Variants in ITGA1 observed in about 807,000 individuals in gnomAD.
ITGA1 encodes the protein integrin subunit alpha 1.
ITGA1 carries 85 observed loss-of-function variants against 145.9 expected under a neutral mutation model. That is an observed-to-expected ratio of 0.58 (90% CI 0.49 to 0.70). The LOEUF (loss-of-function observed/expected upper bound fraction) is 0.70. ITGA1 is among the 30% of genes least tolerant of loss of function. ITGA1 has a pLI of 0.00. For synonymous variants in ITGA1, 520 were observed against 495.3 expected (o/e 1.05, Z -0.66); for missense variants, 1,351 against 1,418.7 (o/e 0.95, Z 0.77).
chr5:52,862,308 C>T (rs1017632261), intron 3 of ITGA1, among the ~76,000 whole-genome samples: 5 of 151,720 alleles, frequency 3.3e-5, no homozygotes, highest in African/African-American at 9.7e-5. Context: ...AATGGTCGAG[C>T]GGTCTAAGGC....
At chr5:52,900,325 A>G (rs886090325) in intron 11 of ITGA1, among the ~76,000 whole-genome samples, 48 of 152,232 alleles carry the variant, frequency 3.2e-4, no homozygotes, top group African/African-American at 1.2e-3. Flanking sequence ...TGACATATAA[A>G]TTAGTAAAAC....
intron 11 of ITGA1, 29 bp from the exon 12 acceptor site, chr5:52,905,734 T>G: frequency 6.2e-7 from 1 of 1,602,734 alleles, no homozygotes; most frequent in Non-Finnish European, 8.5e-7. Flanking sequence ...AGGGTCCAGG[T>G]GGTATACCTG....
At chr5:52,821,629 C>T (rs975815464) in intron 1 of ITGA1, among the ~76,000 whole-genome samples, 2 of 152,232 alleles carry the variant, frequency 1.3e-5, no homozygotes, top group Admixed American at 6.5e-5. Context: ...AAGGAATTCC[C>T]ATTCTCCTTG....
At chr5:52,911,008 G>T (rs62651790) in intron 14 of ITGA1, among the ~76,000 whole-genome samples, 4 of 16,496 alleles carry the variant, frequency 2.4e-4, no homozygotes, top group African/African-American at 1.8e-3. Flanking sequence ...TATGTATACT[G>T]TATATACTAT....
At chr5:52,869,472 T>C (rs1349947337) in intron 6 of ITGA1, among the ~76,000 whole-genome samples, 5 of 152,204 alleles carry the variant, frequency 3.3e-5, no homozygotes, top group African/African-American at 1.2e-4. Flanking sequence ...CATATGATTC[T>C]TAAACAGATT....
At position 52,812,998 on chromosome 5, in the gene ITGA1, G is replaced by A. The variant is rs141068826; in HGVS notation, c.61+24584G>A. On this transcript the variant is annotated intron_variant, in intron 1 of 28. Transcript: ENST00000282588. ...CCCTCAACATGAGACAGGCTACCCA[G>A]CTGGTTCTCTGTCTTTATAATATTT... 1.5e-3 allele frequency among the ~76,000 whole-genome samples: 231 copies of A among 152,070 alleles called. 1 individual carries two copies. Among genetic ancestry groups the A allele is most frequent in the African/African-American group, 5.4e-3 (225 of 41,486 alleles).
intron 22 of ITGA1, 108 bp from the exon 23 acceptor site, chr5:52,933,786 C>T: frequency 4.5e-6 from 2 of 442,112 alleles, no homozygotes; most frequent in Non-Finnish European, 8.2e-6. Context: ...ATTTGAAATC[C>T]CTACAAGTAT....
At chr5:52,881,266 C>G (rs996963309) in intron 6 of ITGA1, among the ~76,000 whole-genome samples, 1 of 152,192 alleles carries the variant, frequency 6.6e-6, no homozygotes, top group African/African-American at 2.4e-5. Context: ...ACAGCCCTGG[C>G]CATGGCTCAC....
chr5:52,904,402 C>T (rs1004989364), intron 11 of ITGA1: 1 of 151,846 alleles, frequency 6.6e-6, no homozygotes, highest in Non-Finnish European at 1.5e-5. Context: ...TTTTTCTAAG[C>T]CAGAGGAGGA....
intron 18 of ITGA1, 37 bp from the exon 19 acceptor site, chr5:52,925,241 C>T: frequency 6.5e-7 from 1 of 1,543,196 alleles, no homozygotes. Context: ...CAATGCGTAG[C>T]TAAATTTTGA....
rs1554048549 is a variant in ITGA1, at chr5:52,954,619, T to TTGCGTG, written c.*2170_*2171insCGTGTG. 2 of 150,260 alleles carry TTGCGTG rather than the reference T, an allele frequency of 1.3e-5. No individual in the cohort carries two copies. Among genetic ancestry groups the TTGCGTG allele is most frequent in the Non-Finnish European group, 3.0e-5 (2 of 67,380 alleles). 9.3% of individuals were successfully genotyped at this position (150,260 alleles called of 1,614,324 possible). On this transcript the variant is annotated 3_prime_UTR_variant, in exon 29 of 29. Coordinates refer to ENST00000282588, the MANE Select transcript of ITGA1 (RefSeq NM_181501.2). ...CTCTAATATTATAATTTGTTGAGGT[T>TTGCGTG]TGTGTGTGTGTGTGTGTGCATGTGC...
intron 2 of ITGA1, among the ~76,000 whole-genome samples, chr5:52,861,237 A>G (rs1749595353): frequency 6.6e-6 from 1 of 151,786 alleles, no homozygotes; most frequent in South Asian, 2.1e-4. Context: ...TTGTATATGT[A>G]TGTGTGTGTG....
At chr5:52,796,250 C>T (rs1260975848) in intron 1 of ITGA1, among the ~76,000 whole-genome samples, 1 of 151,834 alleles carries the variant, frequency 6.6e-6, no homozygotes, top group Admixed American at 6.6e-5. Flanking sequence ...GCCCAGTTCT[C>T]TTCTTGAGAC....
intron 3 of ITGA1, among the ~76,000 whole-genome samples, chr5:52,861,796 G>C (rs1749608726): frequency 6.6e-6 from 1 of 150,578 alleles, no homozygotes; most frequent in Non-Finnish European, 1.5e-5. Flanking sequence ...CTTGAGCTCA[G>C]GAGTTTGAGA....
chr5:52,909,121 C>CT, intron 13 of ITGA1, 80 bp downstream of exon 13: 1 of 1,432,796 alleles, frequency 7.0e-7, no homozygotes, highest in Non-Finnish European at 9.5e-7. Flanking sequence ...TCCAATTTTT[C>CT]ACTCACTTTG....
At chr5:52,941,850 C>G (rs886499340) in intron 26 of ITGA1, among the ~76,000 whole-genome samples, 2 of 152,090 alleles carry the variant, frequency 1.3e-5, no homozygotes, top group African/African-American at 4.8e-5. Flanking sequence ...AATTATTTGC[C>G]AAGACCAATG....
chr5:52,924,212 C>CT (rs5867849), intron 18 of ITGA1, among the ~76,000 whole-genome samples: 69,517 of 151,976 alleles, frequency 0.46, 16,743 homozygotes, highest in Non-Finnish European at 0.53. Context: ...AGCTTACAGT[C>CT]TAACACTGGA....
At position 52,953,328 on chromosome 5, in the gene ITGA1, G is replaced by T. The variant is rs1004420424; in HGVS notation, c.*877G>T. 3 of 152,186 alleles carry T rather than the reference G, an allele frequency of 2.0e-5. No individual in the cohort carries two copies. The highest frequency in any genetic ancestry group is 4.4e-5 in the Non-Finnish European group (3 of 68,026). 9.4% of individuals were successfully genotyped at this position (152,186 alleles called of 1,614,324 possible). A position where few individuals can be genotyped will look rare whatever the true frequency, so the allele number is the denominator to read the frequency against. On this transcript the variant is annotated 3_prime_UTR_variant, in exon 29 of 29. Coordinates refer to ENST00000282588, the MANE Select transcript of ITGA1 (RefSeq NM_181501.2). The stretch of plus-strand genomic sequence containing the variant: ...TACGACAGCAGAGAAAGATGCCACT[G>T]AAATGCTGAAATTATCTTTGCTGAG...
chr5:52,829,027 A>G (rs559913224), intron 1 of ITGA1, among the ~76,000 whole-genome samples: 1 of 152,296 alleles, frequency 6.6e-6, no homozygotes, highest in South Asian at 2.1e-4. Context: ...GCCCCACCAT[A>G]AAAAACAGGA....
Sources: gnomAD v4.1 joint callset for allele counts (sites outside exome capture counted in the v4.1 genomes callset) on GRCh38, gnomAD v4.1.1 for gene constraint, MANE v1.5 for transcripts, NCBI Gene and HGNC (gene_info 2026-07-23, HGNC 2026-07-21) for gene names.